The following GABRR2 variants were observed in gnomAD, a reference collection of about 807,000 sequenced individuals.
The protein encoded by GABRR2 is gamma-aminobutyric acid type A receptor subunit rho2, also known as gamma-aminobutyric acid receptor subunit rho-2.
In GABRR2, 36 loss-of-function variants were observed where a neutral mutation model predicts 47.0. The ratio of observed to expected loss-of-function variants is 0.77; its 90% CI spans 0.59 to 1.01. GABRR2 has a LOEUF of 1.01. GABRR2 is among the 50% of genes least tolerant of loss of function. The pLI is 0.00. For synonymous variants in GABRR2, 204 were observed against 227.5 expected (o/e 0.90, Z 0.93); for missense variants, 587 against 594.6 (o/e 0.99, Z 0.13).
chr6:89,306,967 G>A (rs1582466332), intron 1 of GABRR2, among the ~76,000 whole-genome samples: 1 of 152,318 alleles, frequency 6.6e-6, no homozygotes, highest in East Asian at 1.9e-4. Flanking sequence ...TTGTGTACAT[G>A]TCTCACTTAG....
intron 1 of GABRR2, among the ~76,000 whole-genome samples, chr6:89,303,416 TA>T (rs34549236): frequency 0.42 from 62,404 of 147,094 alleles, 14,208 homozygotes; most frequent in African/African-American, 0.62. Flanking sequence ...TGCTGTCAGA[TA>T]AAAAAAAAAA....
At chr6:89,313,602 G>A (rs1767713412) in intron 1 of GABRR2, among the ~76,000 whole-genome samples, 1 of 152,102 alleles carries the variant, frequency 6.6e-6, no homozygotes, top group Non-Finnish European at 1.5e-5. Context: ...GCCTTCCGCT[G>A]AGTAGGACTA....
intron 8 of GABRR2, among the ~76,000 whole-genome samples, chr6:89,260,073 C>T (rs1773712414): frequency 6.6e-6 from 1 of 151,586 alleles, no homozygotes; most frequent in African/African-American, 2.4e-5. Flanking sequence ...ACACCCAGCT[C>T]ATTTTTGTAT....
chr6:89,258,347 C>A (rs745663591), intron 8 of GABRR2, among the ~76,000 whole-genome samples: 1 of 152,080 alleles, frequency 6.6e-6, no homozygotes, highest in Non-Finnish European at 1.5e-5. Flanking sequence ...GGTGTCAGAG[C>A]AGGACTCTAA....
intron 1 of GABRR2, among the ~76,000 whole-genome samples, chr6:89,306,989 C>T (rs1414486600): frequency 6.6e-6 from 1 of 152,192 alleles, no homozygotes; most frequent in Non-Finnish European, 1.5e-5. Context: ...CTTCTAAGAG[C>T]GTTAGGCTAG....
chr6:89,285,414 G>T (rs1375273399), intron 2 of GABRR2, among the ~76,000 whole-genome samples: 5 of 152,178 alleles, frequency 3.3e-5, no homozygotes, highest in Non-Finnish European at 5.9e-5. Flanking sequence ...AAATAGGCCT[G>T]ATTTTTCTCA....
intron 1 of GABRR2, among the ~76,000 whole-genome samples, chr6:89,311,532 C>A (rs906527487): frequency 6.6e-6 from 1 of 152,184 alleles, no homozygotes; most frequent in Non-Finnish European, 1.5e-5. Flanking sequence ...TTCCTGAGCC[C>A]CCACCCACCC....
At chr6:89,304,027 T>C (rs1767508733) in intron 1 of GABRR2, among the ~76,000 whole-genome samples, 1 of 152,154 alleles carries the variant, frequency 6.6e-6, no homozygotes, top group Non-Finnish European at 1.5e-5. Flanking sequence ...GGCAATACCA[T>C]TCCAGACACA....
chr6:89,294,154 C>CTTT, intron 2 of GABRR2, among the ~76,000 whole-genome samples: 1 of 151,852 alleles, frequency 6.6e-6, no homozygotes, highest in Middle Eastern at 3.4e-3. Context: ...GATAATTTTT[C>CTTT]GTTGTTTTTG....
chr6:89,259,883 C>T (rs13199221), intron 8 of GABRR2, among the ~76,000 whole-genome samples: 3,296 of 67,546 alleles, frequency 0.049, 59 homozygotes, highest in African/African-American at 0.11. Flanking sequence ...CTCTCTCTCT[C>T]TTTTTTTTTT....
At position 89,271,662 on chromosome 6, in the gene GABRR2, A is replaced by C. The variant is rs766728215; in HGVS notation, c.281T>G (p.Val94Gly). Residue 94 changes from valine (V) to glycine (G), a missense_variant, in exon 3 of 9, where the codon GTG (valine) becomes GGG (glycine). Val to Gly is a moderately radical substitution (Grantham distance 109, BLOSUM62 -3). Coordinates refer to ENST00000402938, the MANE Select transcript of GABRR2 (RefSeq NM_002043.5). ...QVESLDSISE[V>G]DMDFTMTLYL... ...CTGGAGGCCGCTGCATACCATGTCC[A>C]CCTCGGAGATGCTGTCCAGGCTCTC... The C allele has an allele frequency of 1.5e-5, 24 of 1,610,948 alleles. 1 individual carries two copies. The East Asian group carries it at 5.4e-4, about 36-fold the overall frequency.
rs116226755 is a variant in GABRR2 at position 89,259,489 on chromosome 6, C to A, written c.1087-1508G>T. 4.9e-3 allele frequency among the ~76,000 whole-genome samples: 729 copies of A among 149,618 alleles called. 8 individuals are homozygous for A. Among genetic ancestry groups the A allele is most frequent in the African/African-American group, 0.017 (693 of 40,676 alleles). ...CTGTGTCTTTTTTCCATCAGTAACA[C>A]TTCTTTTTTTTTGTTTTGTTTTTTT... On this transcript the variant is annotated intron_variant, in intron 8 of 8. Transcript: ENST00000402938.
At chr6:89,286,845 G>A (rs1774341563) in intron 2 of GABRR2, among the ~76,000 whole-genome samples, 1 of 152,124 alleles carries the variant, frequency 6.6e-6, no homozygotes, top group Non-Finnish European at 1.5e-5. Context: ...TGTTCCAGAG[G>A]GAAGCTGGGG....
chr6:89,297,975 C>T (rs191516833), intron 2 of GABRR2, among the ~76,000 whole-genome samples: 81 of 152,310 alleles, frequency 5.3e-4, no homozygotes, highest in Non-Finnish European at 9.1e-4. Context: ...CTTTTGGGGA[C>T]GCCTTGCTTA....
At chr6:89,268,424 G>A (rs1474696358) in intron 4 of GABRR2, among the ~76,000 whole-genome samples, 1 of 152,174 alleles carries the variant, frequency 6.6e-6, no homozygotes, top group African/African-American at 2.4e-5. Context: ...GAGATGCCTG[G>A]GAGGCCCCCT....
rs931340313 is a variant in GABRR2, at chr6:89,255,452, G to C, written c.*2218C>G. On this transcript the variant is annotated 3_prime_UTR_variant, in exon 9 of 9. Coordinates refer to ENST00000402938, the MANE Select transcript of GABRR2 (RefSeq NM_002043.5). ...AACTCTGTCTCAGAAAAGAAAAAAA[G>C]GTTTCTAAACAAGTCCAGATGCCCT... Among the ~76,000 whole-genome samples the C allele has an allele frequency of 6.6e-6, 1 of 152,044 alleles. No individual in the cohort carries two copies. The highest frequency in any genetic ancestry group is 1.5e-5 in the Non-Finnish European group (1 of 67,994).
At chr6:89,302,135 G>A (rs761934920) in intron 1 of GABRR2, 1 of 599,710 alleles carries the variant, frequency 1.7e-6, no homozygotes, top group Non-Finnish European at 3.2e-6. Context: ...CCTCCTGGAT[G>A]TGCGGAAGAA....
chr6:89,293,521 G>T (rs1582458213), intron 2 of GABRR2, among the ~76,000 whole-genome samples: 1 of 152,170 alleles, frequency 6.6e-6, no homozygotes, highest in African/African-American at 2.4e-5. Flanking sequence ...GGGCACAGTG[G>T]TTCATGTTCA....
Position 89,302,098 on chromosome 6 carries a change from C to T in GABRR2, c.114-2233G>A, listed in dbSNP as rs1767452424. ...GCAATAACTGGGCCAGGGGTCACTA[C>T]ACGGAGGGTGCGGAGCTGGTGGATT... is the stretch of plus-strand genomic sequence containing the variant. On this transcript the variant is annotated intron_variant, in intron 1 of 8. Coordinates refer to ENST00000402938, the MANE Select transcript of GABRR2 (RefSeq NM_002043.5). 6.4e-6 allele frequency: 4 copies of T among 629,090 alleles called. No individual in the cohort carries two copies. The African/African-American group carries it at 7.3e-5, about 11-fold the overall frequency. 39.0% of individuals were successfully genotyped at this position (629,090 alleles called of 1,614,324 possible).
Sources: gnomAD v4.1 joint callset for allele counts (sites outside exome capture counted in the v4.1 genomes callset) on GRCh38, gnomAD v4.1.1 for gene constraint, MANE v1.5 for transcripts, NCBI Gene and HGNC (gene_info 2026-07-23, HGNC 2026-07-21) for gene names.